The following SBNO2 variants were observed in gnomAD, a reference collection of about 807,000 sequenced individuals.
SBNO2 encodes strawberry notch homolog 2, also known as protein strawberry notch homolog 2.
SBNO2 carries 89 observed loss-of-function variants against 146.3 expected under a neutral mutation model. The observed-to-expected ratio is 0.61, with a 90% CI of 0.51 to 0.73. The LOEUF (loss-of-function observed/expected upper bound fraction) is 0.73. SBNO2 is among the 30% of genes least tolerant of loss of function. SBNO2 has a pLI of 0.00. For missense variants in SBNO2, 2,092 were observed against 2,003.7 expected, an observed-to-expected ratio of 1.04 and a Z score of -0.84; for synonymous variants, 1,147 against 892.6, an observed-to-expected ratio of 1.29 and a Z score of -5.08.
chr19:1,137,038 G>T (rs192293183), intron 4 of SBNO2, among the ~76,000 whole-genome samples: 1 of 150,316 alleles, frequency 6.7e-6, no homozygotes, highest in Non-Finnish European at 1.5e-5. Flanking sequence ...CAGCAGAGAC[G>T]CAAGGGATCT....
Position 1,108,001 on chromosome 19 carries a change from GCA to G in SBNO2, c.*217_*218del, listed in dbSNP as rs2079692131. On this transcript the variant is annotated 3_prime_UTR_variant, in exon 32 of 32. Transcript: ENST00000361757. ...AGCCCCTTCCTACTTGGGAGGAGAG[GCA>G]CAGAGAGGGCCCTGCCACGCCCCGG... The G allele has an allele frequency of 5.5e-6, 2 of 365,872 alleles. No homozygotes were observed. Among genetic ancestry groups the G allele is most frequent in the Non-Finnish European group, 9.8e-6 (2 of 204,822 alleles). 22.7% of individuals were successfully genotyped at this position (365,872 alleles called of 1,614,324 possible).
At chr19:1,147,701 G>A (rs977661609) in intron 3 of SBNO2, among the ~76,000 whole-genome samples, 11 of 151,866 alleles carry the variant, frequency 7.2e-5, no homozygotes, top group East Asian at 1.9e-4. Flanking sequence ...CCACCATCCC[G>A]CCCTCCCCGC....
At chr19:1,123,360 C>T (rs1196325744) in intron 7 of SBNO2, among the ~76,000 whole-genome samples, 174 bp downstream of exon 7, 8 of 152,128 alleles carry the variant, frequency 5.3e-5, no homozygotes, top group East Asian at 1.9e-4. Flanking sequence ...CTCCCCTCTG[C>T]GAACCCCGGT....
At chr19:1,170,135 ACGACAGATCTAATCTCCGC>A (rs2080463636) in intron 1 of SBNO2, among the ~76,000 whole-genome samples, 1 of 152,012 alleles carries the variant, frequency 6.6e-6, no homozygotes, top group African/African-American at 2.4e-5. Flanking sequence ...GGGCGCACAG[ACGACAGATCTAATCTCCGC>A]CTCCTCACGG....
intron 1 of SBNO2, among the ~76,000 whole-genome samples, chr19:1,168,326 C>A (rs1472555371): frequency 6.6e-6 from 1 of 152,108 alleles, no homozygotes; most frequent in African/African-American, 2.4e-5. Context: ...GAAAATGCCC[C>A]GGTCAGCCCA....
chr19:1,132,672 G>A (rs1458652399), intron 4 of SBNO2, among the ~76,000 whole-genome samples: 1 of 152,188 alleles, frequency 6.6e-6, no homozygotes, highest in Non-Finnish European at 1.5e-5. Context: ...CCCCCCTGGG[G>A]CTCTCCCCAC....
In SBNO2 at chr19:1,119,118, C is replaced by T. The variant is rs1013949146; in HGVS notation, c.1420G>A (p.Gly474Ser). Residue 474 changes from glycine to serine, a missense_variant, in exon 14 of 32, where the codon GGC becomes AGC. Transcript: ENST00000361757. ...EIVAMDMKVS[G>S]MYIARQLSFS... ...CTGAGCTGGCGTGCGATGTACATGCCGCTGACCTTCATGTCCATGGCCACG... is the reference window on the plus strand; with the variant it reads ...CTGAGCTGGCGTGCGATGTACATGCTGCTGACCTTCATGTCCATGGCCACG... The T allele has an allele frequency of 3.7e-6, 6 of 1,604,296 alleles. No individual in the cohort carries two copies. Among genetic ancestry groups the T allele is most frequent in the Non-Finnish European group, 5.1e-6 (6 of 1,176,668 alleles).
Position 1,131,972 on chromosome 19 carries a change from C to G in SBNO2, c.280-4207G>C, listed in dbSNP as rs569284410. ...GGATTTTTTTAGATCCTGGCGGCCT[C>G]GGACTCTAGGATGAGATGCCGGCTG... On this transcript the variant is annotated intron_variant, in intron 4 of 31. Coordinates refer to ENST00000361757, the MANE Select transcript of SBNO2 (RefSeq NM_014963.3). The G allele has an allele frequency of 3.2e-5, 21 of 663,484 alleles. No individual in the cohort carries two copies. The South Asian group carries it at 3.8e-4, about 12-fold the overall frequency. The allele number at this position is 663,484 out of a possible 1,614,324, so 41.1% of individuals were successfully genotyped here.
intron 4 of SBNO2, chr19:1,128,080 T>C (rs1480848467): frequency 5.8e-6 from 3 of 517,100 alleles, no homozygotes; most frequent in Admixed American, 5.4e-5. Flanking sequence ...CATCCAAAAG[T>C]GTTGGGATTA....
At chr19:1,142,695 A>T (rs1447045711) in intron 4 of SBNO2, among the ~76,000 whole-genome samples, 1 of 151,562 alleles carries the variant, frequency 6.6e-6, no homozygotes, top group East Asian at 1.9e-4. Context: ...ACAATAGGCC[A>T]GGTGCGGTGG....
At chr19:1,165,734 C>CCCCAGCCCCCAGA (rs2080409705) in intron 1 of SBNO2, among the ~76,000 whole-genome samples, 1 of 57,970 alleles carries the variant, frequency 1.7e-5, no homozygotes, top group Non-Finnish European at 4.0e-5. Flanking sequence ...AGATCTCAGA[C>CCCCAGCCCCCAGA]TCCAGACCCC....
intron 2 of SBNO2, among the ~76,000 whole-genome samples, chr19:1,149,969 A>T (rs2080227528): frequency 6.6e-6 from 1 of 152,168 alleles, no homozygotes; most frequent in Non-Finnish European, 1.5e-5. Context: ...CGGGAAGCTC[A>T]GGCTGCTGCG....
chr19:1,150,861 G>A lies in SBNO2; in HGVS notation c.94-1419C>T, dbSNP rs139343118. On this transcript the variant is annotated intron_variant, in intron 2 of 31. Coordinates refer to ENST00000361757, the MANE Select transcript of SBNO2 (RefSeq NM_014963.3). This position sits in a 1 kb window ranked among gnomAD's most constrained non-coding sequence, Gnocchi z 6.2. ...GTGGGGGATTCCAGGACCCCCGACA[G>A]CCTCGAGATAGGCAAAGCCCTCGGG... Among the ~76,000 whole-genome samples, 558 of 152,324 alleles carry A rather than the reference G, an allele frequency of 3.7e-3. 5 individuals are homozygous for A. The highest frequency in any genetic ancestry group is 0.013 in the African/African-American group (539 of 41,576).
intron 6 of SBNO2, 149 bp from the exon 7 acceptor site, chr19:1,123,788 TC>T: frequency 9.3e-7 from 1 of 1,073,916 alleles, no homozygotes; most frequent in Non-Finnish European, 1.3e-6. Context: ...AGCAAGGTGC[TC>T]CCCCAGGGCC....
chr19:1,134,745 CT>C lies in SBNO2; in HGVS notation c.280-6981del, dbSNP rs534191963. ...GTGGTTGCACAACTCTGTGAATATA[CT>C]TTTTTAAAGTGTGGATTTGGGCCCG... On this transcript the variant is annotated intron_variant, in intron 4 of 31. Coordinates refer to ENST00000361757, the MANE Select transcript of SBNO2 (RefSeq NM_014963.3). Among the ~76,000 whole-genome samples, 10 of 152,208 alleles carry C rather than the reference CT, an allele frequency of 6.6e-5. No individual in the cohort carries two copies. The East Asian group carries it at 1.9e-3, about 29-fold the overall frequency.
intron 1 of SBNO2, among the ~76,000 whole-genome samples, chr19:1,161,589 G>C (rs1186588116): frequency 6.7e-5 from 10 of 149,692 alleles, no homozygotes; most frequent in African/African-American, 2.0e-4. Context: ...GGGGGTGGGG[G>C]TGCCTTCCTG....
rs2080297039 is a variant in SBNO2, at chr19:1,157,040, T to C, written c.-126-2638A>G. ...GCCTCCCACCCTGTCCTCGGCCATA[T>C]CTCACAACCCCTGCTGCCCCGATCC... On this transcript the variant is annotated intron_variant, in intron 1 of 31. Transcript: ENST00000361757. The surrounding 1 kb of genome is among the most constrained non-coding windows in gnomAD (Gnocchi z 6.8). Among the ~76,000 whole-genome samples the C allele has an allele frequency of 4.3e-5, 5 of 115,056 alleles. No homozygotes were observed. The South Asian group carries it at 1.7e-3, about 38-fold the overall frequency. The allele number at this position is 115,056 out of a possible 152,430, so 75.5% of individuals were successfully genotyped here. A position where few individuals can be genotyped will look rare whatever the true frequency, so the allele number is the denominator to read the frequency against.
chr19:1,136,747 CA>C lies in SBNO2; in HGVS notation c.280-8983del, dbSNP rs1169920946. Among the ~76,000 whole-genome samples the C allele has an allele frequency of 6.6e-6, 1 of 152,216 alleles. No homozygotes were observed. Among genetic ancestry groups the C allele is most frequent in the African/African-American group, 2.4e-5 (1 of 41,452 alleles). On this transcript the variant is annotated intron_variant, in intron 4 of 31. Coordinates refer to ENST00000361757, the MANE Select transcript of SBNO2 (RefSeq NM_014963.3). This position sits in a 1 kb window ranked among gnomAD's most constrained non-coding sequence, Gnocchi z 4.2. ...TCTGACCCCTGCTGAAACGCATCTG[CA>C]GAACAGTCAATGCTGCCTGCCTCCC...
intron 8 of SBNO2, 30 bp downstream of exon 8, chr19:1,122,864 G>A: frequency 1.9e-6 from 3 of 1,539,824 alleles, no homozygotes; most frequent in Non-Finnish European, 2.6e-6. Context: ...CGCGGACACA[G>A]GCTGGGCTGG....
Sources: gnomAD v4.1 joint callset for allele counts (sites outside exome capture counted in the v4.1 genomes callset) on GRCh38, gnomAD v4.1.1 for gene constraint, Gnocchi (gnomAD v3.1) non-coding constraint, MANE v1.5 for transcripts, NCBI Gene and HGNC (gene_info 2026-07-23, HGNC 2026-07-21) for gene names.